Variants in PRKN observed in about 807,000 individuals in gnomAD.
The protein encoded by PRKN is E3 ubiquitin-protein ligase parkin.
Under a neutral mutation model 59.5 loss-of-function variants are expected in PRKN, and 56 were observed. That is an observed-to-expected ratio of 0.94 (90% CI 0.76 to 1.18). PRKN has a LOEUF of 1.18. Among genes scored for constraint, PRKN ranks in the 50% most tolerant of loss-of-function variants. PRKN has a pLI of 0.00. For missense variants in PRKN, 657 were observed against 596.4 expected (o/e 1.10, Z -1.06); for synonymous variants, 250 against 222.1 (o/e 1.13, Z -1.12).
At chr6:162,354,756 C>T (rs761791088) in intron 2 of PRKN, among the ~76,000 whole-genome samples, 4 of 151,982 alleles carry the variant, frequency 2.6e-5, no homozygotes, top group Non-Finnish European at 4.4e-5. Flanking sequence ...AGATGTTTTA[C>T]TCTTTGTATT....
intron 1 of PRKN, among the ~76,000 whole-genome samples, chr6:162,573,944 C>G (rs1408486807): frequency 1.3e-5 from 2 of 152,138 alleles, no homozygotes; most frequent in Non-Finnish European, 2.9e-5. Flanking sequence ...GGATTCCCAT[C>G]CAAAGCAACT....
rs533206992 is a variant in PRKN at position 162,484,076 on chromosome 6, G to A, written c.8-40603C>T. 5.3e-5 allele frequency among the ~76,000 whole-genome samples: 8 copies of A among 152,262 alleles called. No homozygotes were observed. The East Asian group carries it at 1.5e-3, about 29-fold the overall frequency. ...ATATGGTTGTCTATGCATAAAGTAT[G>A]TCTAAAAAAGAAGAAAGCAACGATA... On this transcript the variant is annotated intron_variant, in intron 1 of 11. Coordinates refer to ENST00000366898, the MANE Select transcript of PRKN (RefSeq NM_004562.3).
chr6:161,958,377 T>C (rs1490426088), intron 6 of PRKN, among the ~76,000 whole-genome samples: 3 of 152,202 alleles, frequency 2.0e-5, no homozygotes, highest in Admixed American at 1.3e-4. Flanking sequence ...CTAACTTTTC[T>C]TTAAGATACA....
At chr6:162,212,078 T>C (rs1785222713) in intron 3 of PRKN, among the ~76,000 whole-genome samples, 1 of 152,172 alleles carries the variant, frequency 6.6e-6, no homozygotes. Flanking sequence ...ACTGGTACTG[T>C]GGGACCATGA....
intron 7 of PRKN, among the ~76,000 whole-genome samples, chr6:161,619,240 T>TAAA (rs67512352): frequency 2.0e-5 from 2 of 99,552 alleles, no homozygotes; most frequent in Non-Finnish European, 3.9e-5. Context: ...CTGTCTTCAT[T>TAAA]AAAAAAAAAA....
chr6:161,976,679 C>G (rs1038436204), intron 5 of PRKN, among the ~76,000 whole-genome samples: 2 of 152,102 alleles, frequency 1.3e-5, no homozygotes, highest in East Asian at 3.9e-4. Flanking sequence ...CATGACTGAC[C>G]CTTATGAAAT....
In PRKN at chr6:161,473,812, C is replaced by A. The variant is rs1790919833; in HGVS notation, c.1083+75042G>T. 6.6e-6 allele frequency among the ~76,000 whole-genome samples: 1 copy of A among 151,976 alleles called. No homozygotes were observed. The highest frequency in any genetic ancestry group is 6.6e-5 in the Admixed American group (1 of 15,252). ...ACCACTTCACTATGTATAAATATAT[C>A]AAAATATGTTGTACACCTTAACTAT... On this transcript the variant is annotated intron_variant, in intron 9 of 11. Transcript: ENST00000366898. This position sits in a 1 kb window ranked among gnomAD's most constrained non-coding sequence, Gnocchi z 4.1.
At chr6:162,408,601 T>C (rs371079336) in intron 2 of PRKN, among the ~76,000 whole-genome samples, 3 of 152,160 alleles carry the variant, frequency 2.0e-5, no homozygotes, top group Non-Finnish European at 2.9e-5. Context: ...ACTAAAGAGA[T>C]AGTGAGAAAT....
chr6:161,627,787 C>G (rs561527182), intron 7 of PRKN, among the ~76,000 whole-genome samples: 2 of 152,310 alleles, frequency 1.3e-5, no homozygotes, highest in South Asian at 4.1e-4. Flanking sequence ...TAGGATAACT[C>G]TCAGTGTATT....
At chr6:161,542,728 T>C (rs575503018) in intron 9 of PRKN, among the ~76,000 whole-genome samples, 1 of 152,204 alleles carries the variant, frequency 6.6e-6, no homozygotes, top group Non-Finnish European at 1.5e-5. Flanking sequence ...AAGATTTGAT[T>C]CCAGTCTCTA....
chr6:162,424,161 C>G (rs537172694), intron 2 of PRKN, among the ~76,000 whole-genome samples: 1 of 152,156 alleles, frequency 6.6e-6, no homozygotes, highest in East Asian at 1.9e-4. Flanking sequence ...TATGAAGAGG[C>G]GACTTTATGA....
intron 1 of PRKN, among the ~76,000 whole-genome samples, chr6:162,533,441 T>G (rs575240450): frequency 6.6e-6 from 1 of 152,098 alleles, no homozygotes; most frequent in Non-Finnish European, 1.5e-5. Context: ...GACAGGAGAA[T>G]TGTTTGAACC....
intron 6 of PRKN, among the ~76,000 whole-genome samples, chr6:161,818,373 C>CA (rs1338686993): frequency 6.6e-5 from 10 of 150,916 alleles, no homozygotes; most frequent in Non-Finnish European, 1.2e-4. Context: ...CTCACTCTGT[C>CA]ACCCAGGCTG....
chr6:162,607,713 C>G (rs750113878), intron 1 of PRKN, among the ~76,000 whole-genome samples: 25 of 151,946 alleles, frequency 1.6e-4, no homozygotes, highest in Admixed American at 9.8e-4. Flanking sequence ...GGAGATTTGC[C>G]TTAGGATGCA....
At chr6:162,511,916 C>G (rs1031637051) in intron 1 of PRKN, among the ~76,000 whole-genome samples, 3 of 152,104 alleles carry the variant, frequency 2.0e-5, no homozygotes, top group African/African-American at 7.2e-5. Context: ...ATGATGATGT[C>G]TCAATGAAAA....
At chr6:162,035,714 G>A (rs1783812509) in intron 5 of PRKN, among the ~76,000 whole-genome samples, 1 of 152,156 alleles carries the variant, frequency 6.6e-6, no homozygotes, top group African/African-American at 2.4e-5. Flanking sequence ...GGCAGAATGA[G>A]CAGAGGAATG....
At chr6:162,689,454 A>G (rs1248586673) in intron 1 of PRKN, among the ~76,000 whole-genome samples, 1 of 152,172 alleles carries the variant, frequency 6.6e-6, no homozygotes, top group Non-Finnish European at 1.5e-5. Context: ...TATCAGTTGT[A>G]TTAACACAGA....
intron 7 of PRKN, among the ~76,000 whole-genome samples, chr6:161,776,233 A>T (rs535914918): frequency 6.6e-6 from 1 of 152,338 alleles, no homozygotes; most frequent in African/African-American, 2.4e-5. Context: ...AGTGCTACTC[A>T]GTTTTAAAAG....
intron 2 of PRKN, chr6:162,275,383 G>A (rs1050262424): frequency 6.6e-6 from 1 of 152,086 alleles, no homozygotes; most frequent in Non-Finnish European, 1.5e-5. Context: ...GATAAATTTT[G>A]TATAGGAAGG....
Sources: gnomAD v4.1 joint callset for allele counts (sites outside exome capture counted in the v4.1 genomes callset) on GRCh38, gnomAD v4.1.1 for gene constraint, Gnocchi (gnomAD v3.1) non-coding constraint, MANE v1.5 for transcripts, NCBI Gene and HGNC (gene_info 2026-07-23, HGNC 2026-07-21) for gene names.